Variants in RTN4RL1 observed in about 807,000 individuals in gnomAD.
The protein encoded by RTN4RL1 is reticulon-4 receptor-like 1.
Under a neutral mutation model 25.6 loss-of-function variants are expected in RTN4RL1, and 7 were observed. The ratio of observed to expected loss-of-function variants is 0.27; its 90% CI spans 0.16 to 0.51. RTN4RL1 has a LOEUF of 0.51. RTN4RL1 is among the 20% of genes least tolerant of loss of function. The pLI is 0.97. For missense variants in RTN4RL1, 500 were observed against 615.6 expected (o/e 0.81, Z 1.99); for synonymous variants, 297 against 288.2 (o/e 1.03, Z -0.31).
At chr17:1,977,122 CG>C (rs1488575225) in intron 1 of RTN4RL1, among the ~76,000 whole-genome samples, 2 of 152,188 alleles carry the variant, frequency 1.3e-5, no homozygotes, top group Non-Finnish European at 2.9e-5. Context: ...TTAAAGATGC[CG>C]TATCCAGTTT....
intron 1 of RTN4RL1, among the ~76,000 whole-genome samples, chr17:2,014,944 C>G (rs2067100836): frequency 6.6e-6 from 1 of 152,004 alleles, no homozygotes; most frequent in Non-Finnish European, 1.5e-5. Context: ...GTGGTGGGGC[C>G]AGGGGGAAGG....
intron 1 of RTN4RL1, among the ~76,000 whole-genome samples, chr17:1,978,162 G>A (rs1395444349): frequency 6.6e-6 from 1 of 152,212 alleles, no homozygotes; most frequent in African/African-American, 2.4e-5. Context: ...GCCAGGCCCT[G>A]CTGGGCTGCA....
At chr17:1,977,228 C>T (rs1159230672) in intron 1 of RTN4RL1, among the ~76,000 whole-genome samples, 2 of 152,184 alleles carry the variant, frequency 1.3e-5, no homozygotes, top group African/African-American at 2.4e-5. Flanking sequence ...ACGGGCGAGA[C>T]GCTGGGAAGG....
chr17:2,007,472 C>T (rs1356063890), intron 1 of RTN4RL1, among the ~76,000 whole-genome samples: 1 of 152,146 alleles, frequency 6.6e-6, no homozygotes, highest in African/African-American at 2.4e-5. Context: ...CTCTGGCCTT[C>T]ACCCAGCCAG....
chr17:2,024,835 C>T lies in RTN4RL1; in HGVS notation c.13+18G>A, dbSNP rs761269409. 6.4e-6 allele frequency: 10 copies of T among 1,572,238 alleles called. No individual in the cohort carries two copies. The highest frequency in any genetic ancestry group is 8.6e-6 in the Non-Finnish European group (10 of 1,159,812). On this transcript the variant is annotated intron_variant, in intron 1 of 1. Coordinates refer to ENST00000331238, the MANE Select transcript of RTN4RL1 (RefSeq NM_178568.4). ...GGAGCGCATTCAACTTCAACTTGCC[C>T]CTGCGGCTCCAACTCACCTTTGCGA...
chr17:2,014,588 T>C (rs753892067), intron 1 of RTN4RL1, among the ~76,000 whole-genome samples: 5 of 152,040 alleles, frequency 3.3e-5, no homozygotes. Flanking sequence ...TCCCAGAGCT[T>C]TGGGAGGCCG....
intron 1 of RTN4RL1, among the ~76,000 whole-genome samples, chr17:1,987,742 C>T (rs1339767632): frequency 9.4e-6 from 1 of 106,950 alleles, no homozygotes; most frequent in Non-Finnish European, 2.2e-5. Context: ...CACACACACA[C>T]ACACACACAC....
rs957474825 is a variant in RTN4RL1, at chr17:1,974,824, G to A, written c.14-37016C>T. 3.9e-5 allele frequency among the ~76,000 whole-genome samples: 6 copies of A among 152,184 alleles called. No homozygotes were observed. In the East Asian group the frequency reaches 1.2e-3, roughly 29 times the overall value. On this transcript the variant is annotated intron_variant, in intron 1 of 1. Coordinates refer to ENST00000331238, the MANE Select transcript of RTN4RL1 (RefSeq NM_178568.4). Reference sequence around the variant, plus strand: ...CTCCCATCGGCTGAACCTGAAGGCCGAGGGCAGGAGCCCACTGGTGTCATC... The same window carrying A: ...CTCCCATCGGCTGAACCTGAAGGCCAAGGGCAGGAGCCCACTGGTGTCATC...
intron 1 of RTN4RL1, among the ~76,000 whole-genome samples, chr17:2,021,084 C>T (rs1409655454): frequency 6.6e-6 from 1 of 152,182 alleles, no homozygotes; most frequent in Non-Finnish European, 1.5e-5. Flanking sequence ...CAGCTACCAG[C>T]ACTGTCAGCA....
intron 1 of RTN4RL1, among the ~76,000 whole-genome samples, chr17:1,993,887 A>G (rs1435683639): frequency 6.6e-6 from 1 of 152,200 alleles, no homozygotes; most frequent in Non-Finnish European, 1.5e-5. Context: ...GCCTTTTCCA[A>G]AAAATCAAAC....
intron 1 of RTN4RL1, among the ~76,000 whole-genome samples, chr17:1,965,132 G>A (rs192988685): frequency 3.8e-4 from 52 of 138,410 alleles, no homozygotes; most frequent in Non-Finnish European, 1.9e-4. Context: ...TTTTTGAGAC[G>A]TTGTTTCACT....
rs540987221 is a variant in RTN4RL1 at position 1,994,456 on chromosome 17, C to T, written c.13+30397G>A. Among the ~76,000 whole-genome samples, 8 of 152,346 alleles carry T rather than the reference C, an allele frequency of 5.3e-5. No homozygotes were observed. Among genetic ancestry groups the T allele is most frequent in the Admixed American group, 2.0e-4 (3 of 15,298 alleles). ...GTACTGCCCAAGTCCTGAATATCCT[C>T]GGCCTCATCCCCTGATATTCTCAAT... On this transcript the variant is annotated intron_variant, in intron 1 of 1. Coordinates refer to ENST00000331238, the MANE Select transcript of RTN4RL1 (RefSeq NM_178568.4). The surrounding 1 kb of genome is among the most constrained non-coding windows in gnomAD (Gnocchi z 4.3).
intron 1 of RTN4RL1, among the ~76,000 whole-genome samples, chr17:1,958,078 C>T (rs1043084740): frequency 2.0e-5 from 3 of 151,184 alleles, no homozygotes; most frequent in Non-Finnish European, 2.9e-5. Flanking sequence ...CTGTAGTCCC[C>T]GCTACTTGAG....
chr17:2,012,169 G>A (rs1346129011), intron 1 of RTN4RL1, among the ~76,000 whole-genome samples: 5 of 152,206 alleles, frequency 3.3e-5, no homozygotes, highest in African/African-American at 4.8e-5. Flanking sequence ...AGAGGTTTCC[G>A]TTTGCCACGG....
At chr17:2,000,398 A>G (rs981038101) in intron 1 of RTN4RL1, among the ~76,000 whole-genome samples, 3 of 151,424 alleles carry the variant, frequency 2.0e-5, no homozygotes, top group Non-Finnish European at 2.9e-5. Flanking sequence ...CCCAGGCTGG[A>G]GTGCAGCGGC....
At position 1,998,602 on chromosome 17, in the gene RTN4RL1, G is replaced by T. The variant is rs1275341906; in HGVS notation, c.13+26251C>A. On this transcript the variant is annotated intron_variant, in intron 1 of 1. Transcript: ENST00000331238. This position sits in a 1 kb window ranked among gnomAD's most constrained non-coding sequence, Gnocchi z 4.9. ...ACAGACGTGAACGCTGAGGCGGAGG[G>T]TGGGGGACGTGGGGCCGGCTCGCCT... 6.6e-6 allele frequency among the ~76,000 whole-genome samples: 1 copy of T among 152,126 alleles called. No homozygotes were observed. Among genetic ancestry groups the T allele is most frequent in the East Asian group, 1.9e-4 (1 of 5,174 alleles).
At chr17:1,982,394 C>T (rs143123564) in intron 1 of RTN4RL1, among the ~76,000 whole-genome samples, 1,739 of 152,002 alleles carry the variant, frequency 0.011, 31 homozygotes, top group African/African-American at 0.04. Flanking sequence ...GGGCGGACCA[C>T]GAGGTCAGGA....
At chr17:1,977,886 C>G (rs1382279253) in intron 1 of RTN4RL1, among the ~76,000 whole-genome samples, 2 of 151,876 alleles carry the variant, frequency 1.3e-5, no homozygotes, top group African/African-American at 4.8e-5. Flanking sequence ...ATCCTGCATC[C>G]TGCACCCCGC....
chr17:1,970,019 C>CTTTTTTT (rs59804703), intron 1 of RTN4RL1, among the ~76,000 whole-genome samples: 3 of 72,188 alleles, frequency 4.2e-5, no homozygotes, highest in Non-Finnish European at 5.5e-5. Flanking sequence ...CTCTCTCTCT[C>CTTTTTTT]TTTTTTTTTT....
Sources: allele counts gnomAD v4.1 joint callset (sites outside exome capture counted in the v4.1 genomes callset), GRCh38; gene constraint gnomAD v4.1.1; non-coding constraint Gnocchi (gnomAD v3.1); transcripts MANE v1.5; gene names NCBI Gene and HGNC (gene_info 2026-07-23, HGNC 2026-07-21).